The following PCDHA3 variants were observed in gnomAD, a reference collection of about 807,000 sequenced individuals.
PCDHA3 encodes the protein protocadherin alpha-3.
PCDHA3 carries 41 observed loss-of-function variants against 62.2 expected under a neutral mutation model. The observed-to-expected ratio is 0.66, with a 90% CI of 0.51 to 0.86. PCDHA3 has a LOEUF of 0.86. Among genes scored for constraint, PCDHA3 ranks in the 40% least tolerant of loss-of-function variants. The pLI is 0.00. For missense variants in PCDHA3, 1,304 were observed against 1,241.2 expected, an observed-to-expected ratio of 1.05 and a Z score of -0.76; for synonymous variants, 640 against 555.4, an observed-to-expected ratio of 1.15 and a Z score of -2.14.
intron 1 of PCDHA3, chr5:140,875,784 C>T (rs782115108): frequency 3.7e-5 from 60 of 1,614,200 alleles, no homozygotes; most frequent in Non-Finnish European, 5.0e-5. Flanking sequence ...AGTGCAGTAT[C>T]CACCTGGAGG....
intron 1 of PCDHA3, chr5:140,850,823 TTC>T (rs1310925868): frequency 6.3e-7 from 1 of 1,598,142 alleles, no homozygotes; most frequent in African/African-American, 1.3e-5. Flanking sequence ...GCCCGGGCCT[TTC>T]TCCTTGTGCT....
chr5:141,000,314 A>T (rs2097900305), intron 3 of PCDHA3, among the ~76,000 whole-genome samples: 1 of 145,492 alleles, frequency 6.9e-6, no homozygotes, highest in East Asian at 2.0e-4. Context: ...GTTCAAGACC[A>T]GCTTGGGCAA....
intron 1 of PCDHA3, chr5:140,875,559 C>A (rs1554167755): frequency 6.2e-7 from 1 of 1,614,138 alleles, no homozygotes; most frequent in Admixed American, 1.7e-5. Flanking sequence ...TGGGGAGCGG[C>A]CAGCTCCACT....
Position 140,956,487 on chromosome 5 carries a change from C to G in PCDHA3, c.2395-22462C>G, listed in dbSNP as rs2095287981. The stretch of plus-strand genomic sequence containing the variant: ...GCATATGTTGAACCAGTCTTGCATC[C>G]CAGGGATGAAGCCTACTTGATCATG... On this transcript the variant is annotated intron_variant, in intron 1 of 3. Transcript: ENST00000522353. Among the ~76,000 whole-genome samples, 2 of 152,032 alleles carry G rather than the reference C, an allele frequency of 1.3e-5. 1 individual carries two copies. Among genetic ancestry groups the G allele is most frequent in the Admixed American group, 1.3e-4 (2 of 15,252 alleles).
chr5:140,968,657 G>T (rs782383428), intron 1 of PCDHA3: 16 of 1,614,142 alleles, frequency 9.9e-6, no homozygotes, highest in Non-Finnish European at 1.4e-5. Flanking sequence ...TTCTGACCTG[G>T]ACCTCTTTAA....
intron 1 of PCDHA3, among the ~76,000 whole-genome samples, chr5:140,977,937 T>C (rs1264352481): frequency 5.3e-5 from 8 of 152,162 alleles, no homozygotes; most frequent in African/African-American, 1.9e-4. Flanking sequence ...TATACCTCAA[T>C]ATTCAGTGAC....
chr5:141,001,359 T>C (rs186629026), intron 3 of PCDHA3, among the ~76,000 whole-genome samples: 4 of 152,344 alleles, frequency 2.6e-5, no homozygotes, highest in Admixed American at 1.3e-4. Context: ...GGTTTAAGCC[T>C]ACTATTCTGA....
At chr5:140,973,007 G>T (rs2096567856) in intron 1 of PCDHA3, among the ~76,000 whole-genome samples, 1 of 152,160 alleles carries the variant, frequency 6.6e-6, no homozygotes, top group Non-Finnish European at 1.5e-5. Context: ...TGTGGTCGTG[G>T]TGTTGTGATT....
At chr5:140,926,946 A>C in intron 1 of PCDHA3, 1 of 1,590,228 alleles carries the variant, frequency 6.3e-7, no homozygotes, top group Non-Finnish European at 8.6e-7. Context: ...GCGGCGCTGC[A>C]GCGGGACAGC....
At chr5:140,966,885 C>G in intron 1 of PCDHA3, 1 of 1,590,818 alleles carries the variant, frequency 6.3e-7, no homozygotes, top group Non-Finnish European at 8.5e-7. Flanking sequence ...CCTGGCCCTG[C>G]GGCCTCCCAG....
At chr5:140,830,749 G>A (rs1170210676) in intron 1 of PCDHA3, 11 of 188,306 alleles carry the variant, frequency 5.8e-5, no homozygotes, top group Non-Finnish European at 1.1e-4. Context: ...GTTTTCTGTT[G>A]CATTTTAATT....
chr5:140,868,001 TG>T (rs1353110164), intron 1 of PCDHA3: 4 of 152,120 alleles, frequency 2.6e-5, no homozygotes, highest in Non-Finnish European at 5.9e-5. Context: ...TGAATATAAC[TG>T]AATTAGATTA....
intron 1 of PCDHA3, chr5:140,877,946 C>A: frequency 7.4e-7 from 1 of 1,349,556 alleles, no homozygotes; most frequent in Non-Finnish European, 9.7e-7. Flanking sequence ...TTTAAACTAT[C>A]GAATGTCTCA....
rs1554228572 is a variant in PCDHA3 at position 140,966,716 on chromosome 5, G to A, written c.2395-12233G>A. On this transcript the variant is annotated intron_variant, in intron 1 of 3. Transcript: ENST00000522353. Reference sequence around the variant, plus strand: ...GGCCCGGGCGTGGGGCACGGCTGGGGAAGCTGCCGCCTCCGGCCCTGCCCG... The same window carrying A: ...GGCCCGGGCGTGGGGCACGGCTGGGAAAGCTGCCGCCTCCGGCCCTGCCCG... The A allele has an allele frequency of 2.3e-5, 32 of 1,394,682 alleles. No homozygotes were observed. The South Asian group carries it at 5.0e-4, about 22-fold the overall frequency. The allele number at this position is 1,394,682 out of a possible 1,614,324, so 86.4% of individuals were successfully genotyped here. A position where few individuals can be genotyped will look rare whatever the true frequency, so the allele number is the denominator to read the frequency against.
intron 1 of PCDHA3, chr5:140,829,321 C>T (rs1770227307): frequency 6.2e-7 from 1 of 1,614,262 alleles, no homozygotes; most frequent in South Asian, 1.1e-5. Flanking sequence ...TGGTGCTGGA[C>T]AGTGCCCTGG....
At chr5:141,005,520 G>A (rs34458028) in intron 3 of PCDHA3, among the ~76,000 whole-genome samples, 7,602 of 151,238 alleles carry the variant, frequency 0.05, 239 homozygotes, top group South Asian at 0.11. Flanking sequence ...TGGCTAACAC[G>A]GTGAAACCCC....
At chr5:140,812,540 T>C (rs1456985298) in intron 1 of PCDHA3, 1 of 152,188 alleles carries the variant, frequency 6.6e-6, no homozygotes, top group Non-Finnish European at 1.5e-5. Flanking sequence ...CCTTTTTTTC[T>C]AGTTCCTTGA....
chr5:140,870,388 G>T, intron 1 of PCDHA3: 1 of 1,614,232 alleles, frequency 6.2e-7, no homozygotes. Context: ...TGCGCGGGAT[G>T]GGGGTTCGCC....
chr5:140,876,657 C>T (rs782518264), intron 1 of PCDHA3: 3 of 1,614,228 alleles, frequency 1.9e-6, no homozygotes, highest in East Asian at 4.5e-5. Flanking sequence ...ATGTTCCCTT[C>T]AAGCTGGTGT....
Sources: gnomAD v4.1 joint callset for allele counts (sites outside exome capture counted in the v4.1 genomes callset) on GRCh38, gnomAD v4.1.1 for gene constraint, MANE v1.5 for transcripts, NCBI Gene and HGNC (gene_info 2026-07-23, HGNC 2026-07-21) for gene names.